The following HAUS6 variants were observed in gnomAD, a reference collection of about 807,000 sequenced individuals.
HAUS6 encodes HAUS augmin like complex subunit 6, also known as HAUS augmin-like complex subunit 6.
A neutral mutation model predicts 106.8 loss-of-function variants in HAUS6; 80 were observed. The observed-to-expected ratio is 0.75, with a 90% CI of 0.63 to 0.90. The LOEUF is 0.90. Among genes scored for constraint, HAUS6 ranks in the 40% least tolerant of loss-of-function variants. HAUS6 has a pLI of 0.00. For synonymous variants in HAUS6, 356 were observed against 379.1 expected, an observed-to-expected ratio of 0.94 and a Z score of 0.71; for missense variants, 1,155 against 1,118.1, an observed-to-expected ratio of 1.03 and a Z score of -0.47.
intron 12 of HAUS6, among the ~76,000 whole-genome samples, chr9:19,064,570 G>A (rs1031843326): frequency 2.6e-5 from 4 of 152,186 alleles, no homozygotes; most frequent in Admixed American, 2.6e-4. Flanking sequence ...AAAGCCTAAA[G>A]CTTTTCTACT....
rs775578580 is a variant in HAUS6 at position 19,060,134 on chromosome 9, G to A, written c.1719C>T (p.Asn573=). The A allele has an allele frequency of 9.3e-6, 15 of 1,606,000 alleles. No homozygotes were observed. The highest frequency in any genetic ancestry group is 1.3e-5 in the Non-Finnish European group (15 of 1,174,564). Residue 573 remains asparagine, a synonymous_variant, in exon 15 of 17, where the codon AAC becomes AAT. Coordinates refer to ENST00000380502, the MANE Select transcript of HAUS6 (RefSeq NM_017645.5). ...GAATCTGATTCCTTGTTAAGAAGGG[G>A]TTAGAACCCAGAGAGTCAATTAGTT... ...LEELIDSLGS[N]PFLTRNQIPR...
chr9:19,063,151 A>G lies in HAUS6; in HGVS notation c.1486T>C (p.Ser496Pro). 1.9e-6 allele frequency: 3 copies of G among 1,606,576 alleles called. No homozygotes were observed. Among genetic ancestry groups the G allele is most frequent in the Non-Finnish European group, 2.6e-6 (3 of 1,175,132 alleles). Residue 496 changes from serine (S) to proline (P), a missense_variant, in exon 14 of 17, where the codon TCT becomes CCT. Coordinates refer to ENST00000380502, the MANE Select transcript of HAUS6 (RefSeq NM_017645.5). ...ACTTCAAATTCTGGTATTTTCTTAG[A>G]AATTGCTTCATTTTTTTCTTTGGGA... ...GTPKEKNEAI[S>P]KKIPEFEVEN... is the part of the protein sequence containing the mutation.
In HAUS6 at chr9:19,053,162, A is replaced by C. The variant is rs1158274965; in HGVS notation, c.*3181T>G. The C allele has an allele frequency of 6.6e-6, 1 of 152,170 alleles. No individual in the cohort carries two copies. Among genetic ancestry groups the C allele is most frequent in the Admixed American group, 6.5e-5 (1 of 15,268 alleles). The allele number at this position is 152,170 out of a possible 1,614,324, so 9.4% of individuals were successfully genotyped here. A position where few individuals can be genotyped will look rare whatever the true frequency, so the allele number is the denominator to read the frequency against. On this transcript the variant is annotated 3_prime_UTR_variant, in exon 17 of 17. Transcript: ENST00000380502. Reference sequence around the variant, plus strand: ...GCCAGATAGTATAAAATATTTATTGAAAACAACAGTATTTAAAACATTTAC... The same window carrying C: ...GCCAGATAGTATAAAATATTTATTGCAAACAACAGTATTTAAAACATTTAC...
At chr9:19,084,923 C>T (rs956194778) in intron 7 of HAUS6, among the ~76,000 whole-genome samples, 13 of 151,994 alleles carry the variant, frequency 8.6e-5, no homozygotes, top group Middle Eastern at 6.8e-3. Context: ...CACTGTACCC[C>T]CGCCTCTTTT....
In HAUS6 at chr9:19,060,085, TACTC is replaced by T; in HGVS notation, c.1764_1765+2del. Reference sequence around the variant, plus strand: ...AAAGTAACAGAAAGCATTATTAACTTACTCAAGTTTTCTGGAGTACGGGGAATCT... The same window carrying T: ...AAAGTAACAGAAAGCATTATTAACTTAAGTTTTCTGGAGTACGGGGAATCT... On this transcript the variant is annotated splice_donor_variant and coding_sequence_variant, in exon 15 of 17. Transcript: ENST00000380502. LOFTEE classifies it high-confidence loss of function. The T allele has an allele frequency of 1.2e-6, 2 of 1,605,694 alleles. No individual in the cohort carries two copies. The highest frequency in any genetic ancestry group is 1.3e-5 in the African/African-American group (1 of 74,594).
intron 14 of HAUS6, among the ~76,000 whole-genome samples, chr9:19,061,985 A>C (rs148301332): frequency 3.6e-4 from 55 of 152,382 alleles, no homozygotes; most frequent in African/African-American, 1.3e-3. Flanking sequence ...AGGAATAAAA[A>C]GTAACACTGA....
Position 19,102,379 on chromosome 9 carries a change from G to C in HAUS6, c.128+145C>G, listed in dbSNP as rs993364356. 4.2e-5 allele frequency: 37 copies of C among 876,920 alleles called. No individual in the cohort carries two copies. The African/African-American group carries it at 6.2e-4, about 15-fold the overall frequency. The allele number at this position is 876,920 out of a possible 1,614,324, so 54.3% of individuals were successfully genotyped here. On this transcript the variant is annotated intron_variant, in intron 1 of 16. Coordinates refer to ENST00000380502, the MANE Select transcript of HAUS6 (RefSeq NM_017645.5). ...CTGCCCCTAGGCTGGCAGCAACTGGGAGTAGGAACTTTGGAGCCAATGCCT... is the reference window on the plus strand; with the variant it reads ...CTGCCCCTAGGCTGGCAGCAACTGGCAGTAGGAACTTTGGAGCCAATGCCT...
chr9:19,078,143 C>T (rs750886186), intron 10 of HAUS6, 33 bp downstream of exon 10: 36 of 1,268,214 alleles, frequency 2.8e-5, no homozygotes, highest in Non-Finnish European at 3.2e-5. Flanking sequence ...AGGTGGGTGG[C>T]GGGGAGGGCA....
chr9:19,096,521 C>T (rs993746155), intron 2 of HAUS6, among the ~76,000 whole-genome samples, 153 bp downstream of exon 2: 3 of 139,404 alleles, frequency 2.2e-5, no homozygotes, highest in Non-Finnish European at 3.0e-5. Flanking sequence ...GCCTAGATCA[C>T]GCCACTGCAC....
intron 4 of HAUS6, 137 bp downstream of exon 4, chr9:19,093,034 T>C (rs1817788105): frequency 1.6e-6 from 1 of 639,666 alleles, no homozygotes; most frequent in Non-Finnish European, 2.7e-6. Context: ...AGTAGAATAT[T>C]AACCATTTCC....
intron 12 of HAUS6, among the ~76,000 whole-genome samples, chr9:19,064,459 T>G (rs1836715720): frequency 6.6e-6 from 1 of 152,214 alleles, no homozygotes; most frequent in Non-Finnish European, 1.5e-5. Context: ...ATATTAAAAT[T>G]TATGCAGCTT....
At chr9:19,093,469 T>C (rs1817798268) in intron 3 of HAUS6, among the ~76,000 whole-genome samples, 166 bp from the exon 4 acceptor site, 1 of 152,238 alleles carries the variant, frequency 6.6e-6, no homozygotes, top group Non-Finnish European at 1.5e-5. Flanking sequence ...GACCTCTTCA[T>C]AGCACAGTGG....
chr9:19,090,590 C>T (rs2131147607), intron 4 of HAUS6, among the ~76,000 whole-genome samples: 1 of 152,248 alleles, frequency 6.6e-6, no homozygotes, highest in Non-Finnish European at 1.5e-5. Context: ...ATCTTGATCT[C>T]CTGGCCTCAT....
intron 11 of HAUS6, among the ~76,000 whole-genome samples, chr9:19,071,573 CTTT>C (rs34684530): frequency 1.0e-4 from 11 of 109,348 alleles, no homozygotes; most frequent in Admixed American, 2.0e-4. Flanking sequence ...AAAATATTTT[CTTT>C]TTTTTTTTTT....
chr9:19,084,897 G>T (rs1412042620), intron 7 of HAUS6, among the ~76,000 whole-genome samples: 2 of 151,388 alleles, frequency 1.3e-5, no homozygotes, highest in African/African-American at 4.9e-5. Flanking sequence ...CTCCCAAAGT[G>T]CTCACAGGCG....
chr9:19,077,327 G>C (rs1837031306), intron 10 of HAUS6, among the ~76,000 whole-genome samples: 1 of 152,122 alleles, frequency 6.6e-6, no homozygotes, highest in Non-Finnish European at 1.5e-5. Context: ...CTGAAGTCAG[G>C]TATTCGAGAC....
chr9:19,058,450 A>T lies in HAUS6; in HGVS notation c.2317T>A (p.Phe773Ile), dbSNP rs184378901. ...ISSKSFKDND[F>I]GILHETLPEE... Reference sequence around the variant, plus strand: ...GGGAGAGTTTCGTGTAATATGCCAAAATCATTATCTTTAAAACTCTTAGAA... The same window carrying T: ...GGGAGAGTTTCGTGTAATATGCCAATATCATTATCTTTAAAACTCTTAGAA... Residue 773 changes from phenylalanine (F) to isoleucine (I), a missense_variant, in exon 16 of 17, where the codon TTT (phenylalanine) becomes ATT (isoleucine). By Grantham distance (21) the Phe-to-Ile change is conservative (BLOSUM62 0). Coordinates refer to ENST00000380502, the MANE Select transcript of HAUS6 (RefSeq NM_017645.5). 618 of 1,598,604 alleles carry T rather than the reference A, an allele frequency of 3.9e-4. 2 individuals carry two copies. The highest frequency in any genetic ancestry group is 4.8e-4 in the South Asian group (43 of 90,518).
In HAUS6 at chr9:19,079,880, C is replaced by CA. The variant is rs972520230; in HGVS notation, c.1064+598dup. ...TGGGCAACAGAGCAAGACTCTGTCTCAAAAAAAAAAGGGGCCTGGCTTGGT... is the reference window on the plus strand; with the variant it reads ...TGGGCAACAGAGCAAGACTCTGTCTCAAAAAAAAAAAGGGGCCTGGCTTGGT... On this transcript the variant is annotated intron_variant, in intron 9 of 16. Coordinates refer to ENST00000380502, the MANE Select transcript of HAUS6 (RefSeq NM_017645.5). 4.9e-3 allele frequency among the ~76,000 whole-genome samples: 675 copies of CA among 137,804 alleles called. 3 individuals are homozygous for CA. Among genetic ancestry groups the CA allele is most frequent in the African/African-American group, 0.016 (589 of 37,236 alleles). The allele number at this position is 137,804 out of a possible 152,430, so 90.4% of individuals were successfully genotyped here. A position where few individuals can be genotyped will look rare whatever the true frequency, so the allele number is the denominator to read the frequency against.
intron 5 of HAUS6, among the ~76,000 whole-genome samples, chr9:19,088,123 G>C (rs1292344952): frequency 2.6e-5 from 4 of 152,160 alleles, no homozygotes; most frequent in Admixed American, 6.5e-5. Context: ...GACATTAAAA[G>C]TAATACACTG....
Sources: allele counts gnomAD v4.1 joint callset (sites outside exome capture counted in the v4.1 genomes callset), GRCh38; gene constraint gnomAD v4.1.1; transcripts MANE v1.5; gene names NCBI Gene and HGNC (gene_info 2026-07-23, HGNC 2026-07-21).